Variants in LRRC74A observed in about 807,000 individuals in gnomAD.
LRRC74A encodes the protein leucine rich repeat containing 74A.
LRRC74A carries 44 observed loss-of-function variants against 57.9 expected under a neutral mutation model. That is an observed-to-expected ratio of 0.76 (90% CI 0.60 to 0.98). The LOEUF (loss-of-function observed/expected upper bound fraction) is 0.98. Among genes scored for constraint, LRRC74A ranks in the 50% least tolerant of loss-of-function variants. The pLI is 0.00. For missense variants in LRRC74A, 572 were observed against 574.0 expected (o/e 1.00, Z 0.04); for synonymous variants, 211 against 219.4 (o/e 0.96, Z 0.34).
intron 11 of LRRC74A, among the ~76,000 whole-genome samples, chr14:76,863,311 G>C (rs1462634620): frequency 2.6e-5 from 4 of 152,048 alleles, no homozygotes; most frequent in African/African-American, 7.2e-5. Context: ...AGGCAGGGAA[G>C]TGCAGATGGG....
intron 13 of LRRC74A, among the ~76,000 whole-genome samples, chr14:76,867,840 A>G (rs1290530457): frequency 6.6e-6 from 1 of 152,196 alleles, no homozygotes; most frequent in Non-Finnish European, 1.5e-5. Flanking sequence ...GCAATGTTTC[A>G]GCCGAGTCTG....
chr14:76,835,698 A>C (rs778659892), intron 3 of LRRC74A, among the ~76,000 whole-genome samples: 2 of 152,158 alleles, frequency 1.3e-5, no homozygotes, highest in Non-Finnish European at 2.9e-5. Context: ...CAGCCTGGGC[A>C]ACATAGACCC....
chr14:76,849,029 G>A (rs997743977), intron 7 of LRRC74A, among the ~76,000 whole-genome samples: 1 of 152,166 alleles, frequency 6.6e-6, no homozygotes, highest in South Asian at 2.1e-4. Context: ...GAGAGCAGAA[G>A]GTATAAAATA....
At position 76,870,118 on chromosome 14, in the gene LRRC74A, G is replaced by T. The variant is rs144379825; in HGVS notation, c.1392-7G>T. 1,085 of 1,611,132 alleles carry T rather than the reference G, an allele frequency of 6.7e-4. 5 individuals are homozygous for T. In the African/African-American group the frequency reaches 0.011, roughly 17 times the overall value. On this transcript the variant is annotated splice_region_variant and splice_polypyrimidine_tract_variant and intron_variant, in intron 13 of 13. Transcript: ENST00000689127. ...GCTCAGCATCTTTCCCTTACCTTTC[G>T]TACCAGTTTCTTGAACACGATGAAG...
At chr14:76,849,866 T>C (rs1897326784) in intron 7 of LRRC74A, among the ~76,000 whole-genome samples, 1 of 150,712 alleles carries the variant, frequency 6.6e-6, no homozygotes, top group African/African-American at 2.4e-5. Context: ...GTGATTGCTA[T>C]GTGACAGGCA....
At chr14:76,857,330 A>G in intron 9 of LRRC74A, 50 bp from the exon 10 acceptor site, 1 of 1,215,772 alleles carries the variant, frequency 8.2e-7, no homozygotes, top group South Asian at 1.3e-5. Context: ...GCTCTGGGCC[A>G]GCCTCTCCTC....
chr14:76,852,510 T>C (rs1176253554), intron 8 of LRRC74A, 60 bp downstream of exon 8: 2 of 1,308,710 alleles, frequency 1.5e-6, no homozygotes, highest in Non-Finnish European at 2.1e-6. Flanking sequence ...GGGCCTCCCA[T>C]CCTGCCATCC....
chr14:76,863,215 T>TGTGTGTGTGTGTGTG (rs61247792), intron 11 of LRRC74A, among the ~76,000 whole-genome samples: 2 of 149,002 alleles, frequency 1.3e-5, no homozygotes, highest in African/African-American at 4.9e-5. Flanking sequence ...TGTGTGTGTG[T>TGTGTGTGTGTGTGTG]TGGGATAGGA....
At position 76,860,824 on chromosome 14, in the gene LRRC74A, C is replaced by T. The variant is rs780974724; in HGVS notation, c.1185C>T (p.Pro395=). 6.2e-7 allele frequency: 1 copy of T among 1,608,138 alleles called. No individual in the cohort carries two copies. The highest frequency in any genetic ancestry group is 1.1e-5 in the South Asian group (1 of 90,264). The change falls in exon 11 of 14, where the codon CCC becomes CCT. Residue 395 remains proline (P), a synonymous_variant. Transcript: ENST00000689127. ...PKKTIFLLTN[P]MKLIQSYADQ... ...AAACCATCTTCTTGTTGACAAACCC[C>T]ATGAAACTGATCCAGGTGAGCTCCT... is the stretch of plus-strand genomic sequence containing the variant.
In LRRC74A at chr14:76,865,950, C is replaced by A; in HGVS notation, c.1201-18C>A. 1 of 1,527,336 alleles carries A rather than the reference C, an allele frequency of 6.5e-7. No homozygotes were observed. Among genetic ancestry groups the A allele is most frequent in the South Asian group, 1.2e-5 (1 of 86,438 alleles). The allele number at this position is 1,527,336 out of a possible 1,614,324, so 94.6% of individuals were successfully genotyped here. ...ACAAGACCAAGTGTTTGCTCCTGGTCTCTCCTGCTTCTCTCAGAGCTATGC... is the reference window on the plus strand; with the variant it reads ...ACAAGACCAAGTGTTTGCTCCTGGTATCTCCTGCTTCTCTCAGAGCTATGC... On this transcript the variant is annotated intron_variant, in intron 11 of 13. Coordinates refer to ENST00000689127, the MANE Select transcript of LRRC74A (RefSeq NM_001385106.1).
At chr14:76,867,843 C>T (rs2242630) in intron 13 of LRRC74A, among the ~76,000 whole-genome samples, 4 of 152,104 alleles carry the variant, frequency 2.6e-5, no homozygotes, top group African/African-American at 9.7e-5. Context: ...ATGTTTCAGC[C>T]GAGTCTGGCA....
chr14:76,868,529 C>T (rs980442499), intron 13 of LRRC74A, among the ~76,000 whole-genome samples: 12 of 152,156 alleles, frequency 7.9e-5, no homozygotes, highest in African/African-American at 2.9e-4. Flanking sequence ...CAACTCTGGC[C>T]GAGACTCCAG....
chr14:76,855,353 A>G (rs1401365982), intron 9 of LRRC74A, among the ~76,000 whole-genome samples: 1 of 152,244 alleles, frequency 6.6e-6, no homozygotes, highest in African/African-American at 2.4e-5. Flanking sequence ...CTGAATTTTA[A>G]AAGATTAAGC....
At chr14:76,846,922 C>A (rs912119917) in intron 7 of LRRC74A, among the ~76,000 whole-genome samples, 1 of 152,110 alleles carries the variant, frequency 6.6e-6, no homozygotes, top group Non-Finnish European at 1.5e-5. Flanking sequence ...CATTTGGGGT[C>A]ATAGGTATAT....
At chr14:76,848,279 T>C (rs574071551) in intron 7 of LRRC74A, among the ~76,000 whole-genome samples, 2 of 147,538 alleles carry the variant, frequency 1.4e-5, no homozygotes, top group East Asian at 4.0e-4. Flanking sequence ...TAAAGTATGA[T>C]AAAAAAATAA....
chr14:76,853,091 C>G, intron 8 of LRRC74A, 125 bp from the exon 9 acceptor site: 1 of 803,164 alleles, frequency 1.2e-6, no homozygotes, highest in Non-Finnish European at 2.0e-6. Context: ...CTGGCAGACC[C>G]ATCAGTCCTG....
At chr14:76,828,748 T>A in intron 2 of LRRC74A, 1 of 461,198 alleles carries the variant, frequency 2.2e-6, no homozygotes, top group Non-Finnish European at 4.3e-6. Context: ...TTTGCAATAG[T>A]CCTAGGAGGT....
chr14:76,839,063 A>AC (rs200012807), intron 5 of LRRC74A, among the ~76,000 whole-genome samples: 2,006 of 152,386 alleles, frequency 0.013, 25 homozygotes, highest in Non-Finnish European at 0.021. Context: ...TTATGGACAT[A>AC]CCATAGTTTA....
At position 76,837,890 on chromosome 14, in the gene LRRC74A, C is replaced by T. The variant is rs1235836909; in HGVS notation, c.463C>T (p.His155Tyr). The change falls in exon 5 of 14, where the codon CAC becomes TAC. Residue 155 changes from histidine (H) to tyrosine (Y), a missense_variant. By Grantham distance (83) the His-to-Tyr change is moderately conservative (BLOSUM62 2). Transcript: ENST00000689127. ...YLQEMNISNNHLGLEGARIIS... is the reference protein window; with the variant it reads ...YLQEMNISNNYLGLEGARIIS... ...TGCCTTTTAGAATATTTCCAACAAT[C>T]ACCTTGGTTTGGAGGGGGCCAGAAT... 6.3e-6 allele frequency: 10 copies of T among 1,588,398 alleles called. No homozygotes were observed. Among genetic ancestry groups the T allele is most frequent in the Non-Finnish European group, 6.0e-6 (7 of 1,165,420 alleles).
Sources: gnomAD v4.1 joint callset for allele counts (sites outside exome capture counted in the v4.1 genomes callset) on GRCh38, gnomAD v4.1.1 for gene constraint, MANE v1.5 for transcripts, NCBI Gene and HGNC (gene_info 2026-07-23, HGNC 2026-07-21) for gene names.